Variants in CFAP100 observed in about 807,000 individuals in gnomAD.
The protein encoded by CFAP100 is cilia- and flagella-associated protein 100.
A neutral mutation model predicts 81.5 loss-of-function variants in CFAP100; 70 were observed. The observed-to-expected ratio is 0.86, with a 90% CI of 0.71 to 1.05. The LOEUF is 1.05. Among genes scored for constraint, CFAP100 ranks in the 50% least tolerant of loss-of-function variants. CFAP100 has a pLI of 0.00. For synonymous variants in CFAP100, 341 were observed against 314.8 expected, an observed-to-expected ratio of 1.08 and a Z score of -0.88; for missense variants, 811 against 776.5, an observed-to-expected ratio of 1.04 and a Z score of -0.53.
Position 126,416,486 on chromosome 3 carries a change from C to G in CFAP100, c.396C>G (p.Thr132=), listed in dbSNP as rs2083245450. 2 of 1,600,820 alleles carry G rather than the reference C, an allele frequency of 1.2e-6. No individual in the cohort carries two copies. The highest frequency in any genetic ancestry group is 3.3e-4 in the Middle Eastern group (2 of 6,014). ...EHQRAFRDYT[T]WKLTLTKEKN... ...AGCGCGCCTTCCGCGACTACACGAC[C>G]TGGAAGCTCACCTTGACCAAAGGTG... Residue 132 remains threonine (T), a synonymous_variant, in exon 5 of 17, where the codon ACC becomes ACG. Transcript: ENST00000352312.
chr3:126,399,059 C>A (rs1209473508), intron 2 of CFAP100, among the ~76,000 whole-genome samples: 1 of 152,204 alleles, frequency 6.6e-6, no homozygotes, highest in Non-Finnish European at 1.5e-5. Flanking sequence ...CTCCCTCACA[C>A]CCCACAGGAG....
At chr3:126,419,240 C>A in intron 8 of CFAP100, 84 bp downstream of exon 8, 1 of 849,744 alleles carries the variant, frequency 1.2e-6, no homozygotes, top group East Asian at 2.7e-5. Context: ...AAGCCTAGCA[C>A]CATGTGAACC....
chr3:126,396,129 T>A, intron 2 of CFAP100, 80 bp downstream of exon 2: 1 of 1,127,352 alleles, frequency 8.9e-7, no homozygotes, highest in Non-Finnish European at 1.4e-6. Flanking sequence ...CAGGTTAAGG[T>A]AGCTCTAAAC....
chr3:126,423,356 G>A lies in CFAP100; in HGVS notation c.1114G>A (p.Asp372Asn), dbSNP rs763785675. The change falls in exon 12 of 17, where the codon GAC becomes AAC. Residue 372 changes from aspartate (D) to asparagine (N), a missense_variant. Physicochemically the swap from Asp to Asn is conservative, Grantham distance 23. Transcript: ENST00000352312. ...CTCTCCCATCCCCCCCACGCAGGAG[G>A]ACACCGACAGCGATGGGGAGGTGAA... Reference protein sequence around the residue: ...SNSPIPPTQEDTDSDGEEPQL... With the variant: ...SNSPIPPTQENTDSDGEEPQL... The A allele has an allele frequency of 1.2e-5, 19 of 1,613,692 alleles. No individual in the cohort carries two copies. The highest frequency in any genetic ancestry group is 1.6e-5 in the Non-Finnish European group (19 of 1,179,882).
intron 13 of CFAP100, among the ~76,000 whole-genome samples, chr3:126,431,677 T>C (rs1933234386): frequency 6.6e-6 from 1 of 152,182 alleles, no homozygotes; most frequent in Admixed American, 6.5e-5. Context: ...TTCCTCTGGT[T>C]GTATCGTTAA....
chr3:126,409,436 C>T (rs1282201809), intron 3 of CFAP100, among the ~76,000 whole-genome samples: 1 of 152,182 alleles, frequency 6.6e-6, no homozygotes, highest in East Asian at 1.9e-4. Flanking sequence ...GTACATGTCA[C>T]TTTGGGGACA....
At chr3:126,413,754 C>T (rs1346867590) in intron 3 of CFAP100, among the ~76,000 whole-genome samples, 2 of 152,232 alleles carry the variant, frequency 1.3e-5, no homozygotes, top group Non-Finnish European at 2.9e-5. Flanking sequence ...TAACAAACAG[C>T]AGGCTCGGCC....
intron 13 of CFAP100, among the ~76,000 whole-genome samples, chr3:126,432,632 A>G (rs555356338): frequency 6.6e-4 from 101 of 152,286 alleles, no homozygotes; most frequent in African/African-American, 2.2e-3. Context: ...TGAAGTGTTC[A>G]GGGTAGACAC....
chr3:126,399,287 C>T (rs1293427862), intron 2 of CFAP100, among the ~76,000 whole-genome samples: 1 of 152,204 alleles, frequency 6.6e-6, no homozygotes, highest in African/African-American at 2.4e-5. Context: ...CATCACAGGC[C>T]TCAGTCAAAA....
intron 13 of CFAP100, among the ~76,000 whole-genome samples, chr3:126,430,693 G>T (rs1933179033): frequency 6.6e-6 from 1 of 151,266 alleles, no homozygotes; most frequent in Non-Finnish European, 1.5e-5. Context: ...TCTTCTGCTT[G>T]ATCTAGTCTG....
intron 1 of CFAP100, 25 bp from the exon 2 acceptor site, chr3:126,395,917 G>C (rs183932373): frequency 1.6e-5 from 20 of 1,213,990 alleles, no homozygotes; most frequent in Non-Finnish European, 1.6e-5. Context: ...GGACCACCAG[G>C]CTCAAGCACT....
At position 126,413,491 on chromosome 3, in the gene CFAP100, C is replaced by T. The variant is rs1018013718; in HGVS notation, c.131-594C>T. Among the ~76,000 whole-genome samples, 5 of 152,370 alleles carry T rather than the reference C, an allele frequency of 3.3e-5. 1 individual carries two copies. In the Middle Eastern group the frequency reaches 0.01, roughly 311 times the overall value. On this transcript the variant is annotated intron_variant, in intron 3 of 16. Transcript: ENST00000352312. ...CTGCTTGAGGCTCACAGGGAGGCTG[C>T]TGGCATCAGCTCCGTCTCTGAATTG...
chr3:126,434,694 A>G (rs1394920265), intron 15 of CFAP100: 4 of 310,198 alleles, frequency 1.3e-5, no homozygotes, highest in African/African-American at 2.1e-5. Context: ...CCTCAAATAC[A>G]TGGAACAGCA....
chr3:126,419,773 G>C lies in CFAP100; in HGVS notation c.868G>C (p.Glu290Gln), dbSNP rs754832306. The change falls in exon 9 of 17, where the codon GAG (glutamate) becomes CAG (glutamine). Residue 290 changes from glutamate (E) to glutamine (Q), a missense_variant. Transcript: ENST00000352312. The stretch of plus-strand genomic sequence containing the variant: ...TCTCAAAAAGGCCAAGGAGGTCTCC[G>C]AGGCTTCCAAAGAGAGCAGTGTTAA... ...SFLKKAKEVS[E>Q]ASKESSVNST... The C allele has an allele frequency of 5.0e-6, 8 of 1,613,878 alleles. No homozygotes were observed. The highest frequency in any genetic ancestry group is 5.9e-6 in the Non-Finnish European group (7 of 1,180,048).
intron 16 of CFAP100, 128 bp downstream of exon 16, chr3:126,435,780 AG>A (rs1560083984): frequency 7.0e-6 from 5 of 714,358 alleles, no homozygotes; most frequent in Non-Finnish European, 1.1e-5. Context: ...TGAGGGAGAC[AG>A]GCTGCCTTCG....
At position 126,399,021 on chromosome 3, in the gene CFAP100, C is replaced by T. The variant is rs544151466; in HGVS notation, c.49+2972C>T. Among the ~76,000 whole-genome samples the T allele has an allele frequency of 1.1e-4, 17 of 152,316 alleles. No individual in the cohort carries two copies. In the South Asian group the frequency reaches 3.5e-3, roughly 32 times the overall value. On this transcript the variant is annotated intron_variant, in intron 2 of 16. Coordinates refer to ENST00000352312, the MANE Select transcript of CFAP100 (RefSeq NM_182628.3). ...ACTGCTGTGTCCTCCACAGGGAATG[C>T]TCTTCTCCCCAGTTTCCCTGGGACT...
At chr3:126,406,728 G>A (rs1000969496) in intron 2 of CFAP100, among the ~76,000 whole-genome samples, 11 of 152,212 alleles carry the variant, frequency 7.2e-5, no homozygotes, top group Admixed American at 7.2e-4. Flanking sequence ...CGGTGGGATA[G>A]GGGTGGCAGC....
At position 126,434,220 on chromosome 3, in the gene CFAP100, C is replaced by T; in HGVS notation, c.1467C>T (p.Tyr489=). Residue 489 remains tyrosine (Y), a synonymous_variant, in exon 15 of 17, where the codon TAC becomes TAT. Coordinates refer to ENST00000352312, the MANE Select transcript of CFAP100 (RefSeq NM_182628.3). ...TGAACTGCAAGGTGCTGGATGTGTA[C>T]CGGCACTGCACCGGCACCCAGCAGG... ...ESLNCKVLDV[Y]RHCTGTQQEA... The T allele has an allele frequency of 6.2e-7, 1 of 1,613,844 alleles. No individual in the cohort carries two copies. The highest frequency in any genetic ancestry group is 8.5e-7 in the Non-Finnish European group (1 of 1,179,970).
chr3:126,419,888 T>G, intron 9 of CFAP100, 70 bp downstream of exon 9: 3 of 1,610,956 alleles, frequency 1.9e-6, no homozygotes, highest in Middle Eastern at 1.7e-4. Context: ...TGAGCCCAGC[T>G]GGCAGGTTAC....
Sources: gnomAD v4.1 joint callset for allele counts (sites outside exome capture counted in the v4.1 genomes callset) on GRCh38, gnomAD v4.1.1 for gene constraint, MANE v1.5 for transcripts, NCBI Gene and HGNC (gene_info 2026-07-23, HGNC 2026-07-21) for gene names.